Variants in GUCY1B1 observed in about 807,000 individuals in gnomAD.
The protein encoded by GUCY1B1 is guanylate cyclase 1 soluble subunit beta 1.
GUCY1B1 carries 43 observed loss-of-function variants against 71.0 expected under a neutral mutation model. The observed-to-expected ratio is 0.61, with a 90% confidence interval of 0.47 to 0.78. GUCY1B1 has a LOEUF of 0.78. GUCY1B1 is among the 30% of genes least tolerant of loss of function. GUCY1B1 has a pLI of 0.00. For missense variants in GUCY1B1, 535 were observed against 754.1 expected, an observed-to-expected ratio of 0.71 and a Z score of 3.40; for synonymous variants, 266 against 259.7, an observed-to-expected ratio of 1.02 and a Z score of -0.23.
At chr4:155,798,396 A>G (rs1233890045) in intron 8 of GUCY1B1, among the ~76,000 whole-genome samples, 1 of 152,134 alleles carries the variant, frequency 6.6e-6, no homozygotes, top group Non-Finnish European at 1.5e-5. Flanking sequence ...ACGTACAATC[A>G]TGTTTTTTCT....
chr4:155,779,504 AATTTT>A (rs10535824), intron 4 of GUCY1B1, among the ~76,000 whole-genome samples: 32,226 of 151,872 alleles, frequency 0.21, 3,487 homozygotes, highest in African/African-American at 0.25. Context: ...AATTATACAC[AATTTT>A]ATTTTATTTC....
In GUCY1B1 at chr4:155,766,901, G is replaced by A. The variant is rs184900937; in HGVS notation, c.77+7041G>A. Among the ~76,000 whole-genome samples, 67 of 152,208 alleles carry A rather than the reference G, an allele frequency of 4.4e-4. 1 individual carries two copies. Among genetic ancestry groups the A allele is most frequent in the African/African-American group, 1.4e-3 (58 of 41,544 alleles). ...TGCTATTTCGAATGTAATATGTCAC[G>A]TATATTAAACACATACCATATGGTT... On this transcript the variant is annotated intron_variant, in intron 2 of 13. Coordinates refer to ENST00000264424, the MANE Select transcript of GUCY1B1 (RefSeq NM_000857.5).
chr4:155,759,500 C>T, intron 1 of GUCY1B1: 1 of 503,410 alleles, frequency 2.0e-6, no homozygotes, highest in Non-Finnish European at 3.5e-6. Flanking sequence ...TTCGCGTCCC[C>T]GCGCTGCCCC....
chr4:155,782,197 G>T (rs1738476979), intron 4 of GUCY1B1, among the ~76,000 whole-genome samples: 1 of 151,956 alleles, frequency 6.6e-6, no homozygotes, highest in Non-Finnish European at 1.5e-5. Flanking sequence ...TGCCTCAGCC[G>T]CCCGAGTAGC....
At chr4:155,790,930 A>G (rs2111114326) in intron 5 of GUCY1B1, among the ~76,000 whole-genome samples, 1 of 152,290 alleles carries the variant, frequency 6.6e-6, no homozygotes, top group East Asian at 1.9e-4. Context: ...GTTTTCTACA[A>G]CCATTAGTAA....
At chr4:155,805,329 C>T in intron 13 of GUCY1B1, 100 bp downstream of exon 13, 1 of 1,018,568 alleles carries the variant, frequency 9.8e-7, no homozygotes, top group Non-Finnish European at 1.4e-6. Flanking sequence ...GAAAAGAATT[C>T]TTGCTAACAG....
chr4:155,762,801 A>G (rs1737082495), intron 2 of GUCY1B1, among the ~76,000 whole-genome samples: 1 of 152,248 alleles, frequency 6.6e-6, no homozygotes, highest in Admixed American at 6.5e-5. Context: ...TAAAAATATT[A>G]AAACCATTGT....
chr4:155,805,680 T>A (rs532263621), intron 13 of GUCY1B1, among the ~76,000 whole-genome samples: 1 of 152,304 alleles, frequency 6.6e-6, no homozygotes, highest in East Asian at 1.9e-4. Context: ...TATCTTTCTA[T>A]GGAGTGATTG....
At chr4:155,803,145 G>A (rs1740076411) in intron 10 of GUCY1B1, among the ~76,000 whole-genome samples, 1 of 152,076 alleles carries the variant, frequency 6.6e-6, no homozygotes. Context: ...AGATATCTGG[G>A]GTAATATAAC....
chr4:155,799,816 G>A lies in GUCY1B1; in HGVS notation c.978-61G>A, dbSNP rs1005628116. On this transcript the variant is annotated intron_variant, in intron 8 of 13. Coordinates refer to ENST00000264424, the MANE Select transcript of GUCY1B1 (RefSeq NM_000857.5). ...AGGATCAGATTCCTTGACAGAAATC[G>A]GGATTGCATTGTCATGTATATAAGT... 7 of 868,146 alleles carry A rather than the reference G, an allele frequency of 8.1e-6. No homozygotes were observed. The African/African-American group carries it at 1.0e-4, about 13-fold the overall frequency. 53.8% of individuals were successfully genotyped at this position (868,146 alleles called of 1,614,324 possible).
intron 8 of GUCY1B1, 142 bp from the exon 9 acceptor site, chr4:155,799,735 C>G: frequency 2.0e-6 from 1 of 496,512 alleles, no homozygotes; most frequent in Non-Finnish European, 3.6e-6. Context: ...AATCTTCGTT[C>G]AATTCTCCAT....
At chr4:155,796,330 G>C in intron 7 of GUCY1B1, 47 bp from the exon 8 acceptor site, 1 of 1,570,774 alleles carries the variant, frequency 6.4e-7, no homozygotes, top group Middle Eastern at 1.7e-4. Context: ...TGAATTCTTA[G>C]GTAGGGAGAA....
intron 10 of GUCY1B1, 44 bp from the exon 11 acceptor site, chr4:155,803,580 C>CT: frequency 1.5e-6 from 2 of 1,339,660 alleles, no homozygotes; most frequent in South Asian, 2.1e-5. Context: ...ATGAAACAGT[C>CT]TTTTTTATGC....
intron 5 of GUCY1B1, among the ~76,000 whole-genome samples, chr4:155,791,664 C>T (rs914372719): frequency 1.4e-4 from 21 of 147,940 alleles, no homozygotes; most frequent in Non-Finnish European, 2.4e-4. Context: ...CCGGGAGGCA[C>T]AGGTTGCAGT....
chr4:155,793,910 A>G lies in GUCY1B1; in HGVS notation c.550A>G (p.Lys184Glu), dbSNP rs1397218084. 1.9e-6 allele frequency: 3 copies of G among 1,589,872 alleles called. No individual in the cohort carries two copies. The highest frequency in any genetic ancestry group is 2.6e-6 in the Non-Finnish European group (3 of 1,157,974). ...TCATACTCAATTTTTAATTGAAGAA[A>G]AAGAGTCAAAAGAAGAGGATTTTTA... Reference protein sequence around the residue: ...CDHTQFLIEEKESKEEDFYED... With the variant: ...CDHTQFLIEEEESKEEDFYED... The change falls in exon 6 of 14, where the codon AAA (lysine) becomes GAA (glutamate). Residue 184 changes from lysine to glutamate, a missense_variant. Physicochemically the swap from Lys to Glu is moderately conservative, Grantham distance 56. Coordinates refer to ENST00000264424, the MANE Select transcript of GUCY1B1 (RefSeq NM_000857.5).
Position 155,777,558 on chromosome 4 carries a change from G to A in GUCY1B1, c.213G>A (p.Gly71=), listed in dbSNP as rs1263301914. Residue 71 remains glycine (G), a synonymous_variant, in exon 4 of 14, where the codon GGG becomes GGA. Transcript: ENST00000264424. ...LNAGEILQMF[G]KMFFVFCQES... ...CTGGAGAAATCCTCCAAATGTTTGG[G>A]AAGATGTTTTTCGTCTTTTGCCAAG... 6.2e-7 allele frequency: 1 copy of A among 1,606,992 alleles called. No individual in the cohort carries two copies. The highest frequency in any genetic ancestry group is 8.5e-7 in the Non-Finnish European group (1 of 1,173,778).
intron 8 of GUCY1B1, among the ~76,000 whole-genome samples, 175 bp from the exon 9 acceptor site, chr4:155,799,702 A>C (rs1424596404): frequency 6.6e-6 from 1 of 152,182 alleles, no homozygotes; most frequent in Non-Finnish European, 1.5e-5. Flanking sequence ...TAGATGCTTA[A>C]ATATCTAAGA....
rs183101201 is a variant in GUCY1B1 at position 155,762,241 on chromosome 4, T to C, written c.77+2381T>C. Among the ~76,000 whole-genome samples, 13 of 152,300 alleles carry C rather than the reference T, an allele frequency of 8.5e-5. No homozygotes were observed. The East Asian group carries it at 2.3e-3, about 27-fold the overall frequency. ...TGATTCTGGTTCCTCCTCCCCTCCCTACCCTCTGCTTCAGGGAATATTAAA... is the reference window on the plus strand; with the variant it reads ...TGATTCTGGTTCCTCCTCCCCTCCCCACCCTCTGCTTCAGGGAATATTAAA... On this transcript the variant is annotated intron_variant, in intron 2 of 13. Transcript: ENST00000264424.
chr4:155,781,059 T>C (rs980577781), intron 4 of GUCY1B1, among the ~76,000 whole-genome samples: 1 of 152,186 alleles, frequency 6.6e-6, no homozygotes, highest in African/African-American at 2.4e-5. Context: ...GTTAGATACA[T>C]TATTAAGAAT....
Sources: allele counts gnomAD v4.1 joint callset (sites outside exome capture counted in the v4.1 genomes callset), GRCh38; gene constraint gnomAD v4.1.1; transcripts MANE v1.5; gene names NCBI Gene and HGNC (gene_info 2026-07-23, HGNC 2026-07-21).